SLC4A4: variants seen among roughly 807,000 people sequenced by gnomAD.
The protein encoded by SLC4A4 is solute carrier family 4 member 4.
In SLC4A4, 27 loss-of-function variants were observed where a neutral mutation model predicts 111.5. That is an observed-to-expected ratio of 0.24 (90% confidence interval 0.18 to 0.33). The LOEUF (loss-of-function observed/expected upper bound fraction) is 0.33. Ranked by LOEUF, SLC4A4 falls within the 10% of genes least tolerant of loss-of-function variation. The pLI, the probability that SLC4A4 is intolerant of heterozygous loss-of-function variation, is 1.00. For synonymous variants in SLC4A4, 443 were observed against 463.4 expected (o/e 0.96, Z 0.57); for missense variants, 909 against 1,315.5 (o/e 0.69, Z 4.78).
intron 1 of SLC4A4, among the ~76,000 whole-genome samples, chr4:71,067,740 T>C (rs1741558569): frequency 6.6e-6 from 1 of 152,084 alleles, no homozygotes; most frequent in South Asian, 2.1e-4. Context: ...ATATAAAGTC[T>C]GTGCCTCTTA....
intron 1 of SLC4A4, among the ~76,000 whole-genome samples, chr4:71,221,220 T>C (rs7678925): frequency 0.017 from 2,580 of 152,318 alleles, 59 homozygotes; most frequent in African/African-American, 0.054. Context: ...TATATTCCTC[T>C]GGGTATATAC....
rs200059466 is a variant in SLC4A4, at chr4:71,254,651, TAA to T, written c.74-556_74-555del. Among the ~76,000 whole-genome samples the T allele has an allele frequency of 6.9e-4, 97 of 141,506 alleles. 1 individual carries two copies. The highest frequency in any genetic ancestry group is 1.5e-3 in the African/African-American group (59 of 38,556). 92.8% of individuals were successfully genotyped at this position (141,506 alleles called of 152,430 possible). On this transcript the variant is annotated intron_variant, in intron 2 of 25. Coordinates refer to ENST00000264485, the MANE Select transcript of SLC4A4 (RefSeq NM_001098484.3). ...CTAAGTCTCTATTTTGCTGATTAGG[TAA>T]AAAAAAAAAAAAGTTTTAATGTAAA... is the stretch of plus-strand genomic sequence containing the variant.
intron 2 of SLC4A4, among the ~76,000 whole-genome samples, chr4:71,095,742 G>GA (rs1742526323): frequency 6.6e-6 from 1 of 152,164 alleles, no homozygotes; most frequent in South Asian, 2.1e-4. Flanking sequence ...TATGGAAAAT[G>GA]AAAATGAAAC....
chr4:71,552,120 A>T (rs1030242021), intron 20 of SLC4A4, among the ~76,000 whole-genome samples: 1 of 151,860 alleles, frequency 6.6e-6, no homozygotes, highest in Non-Finnish European at 1.5e-5. Flanking sequence ...TTATGACATT[A>T]ATACCTCATT....
intron 3 of SLC4A4, among the ~76,000 whole-genome samples, chr4:71,285,718 A>G (rs1000559420): frequency 2.0e-5 from 3 of 152,216 alleles, no homozygotes; most frequent in Admixed American, 2.0e-4. Flanking sequence ...GATGCATTTA[A>G]AGGAGAAATT....
chr4:71,173,208 G>T (rs1001421759), intron 2 of SLC4A4, among the ~76,000 whole-genome samples: 4 of 152,072 alleles, frequency 2.6e-5, no homozygotes, highest in African/African-American at 9.7e-5. Flanking sequence ...TCAAAGTCTA[G>T]TATTTCCAAA....
At chr4:71,409,940 C>T (rs1056950587) in intron 7 of SLC4A4, among the ~76,000 whole-genome samples, 6 of 152,204 alleles carry the variant, frequency 3.9e-5, no homozygotes, top group African/African-American at 1.4e-4. Flanking sequence ...CAGGCTGTGG[C>T]TTCAGAGGGT....
chr4:71,177,284 A>C (rs1350913891), intron 2 of SLC4A4, among the ~76,000 whole-genome samples: 1 of 152,200 alleles, frequency 6.6e-6, no homozygotes, highest in African/African-American at 2.4e-5. Context: ...CGAGCAAAAT[A>C]ACCAGCTAAC....
intron 1 of SLC4A4, among the ~76,000 whole-genome samples, chr4:71,195,220 C>T (rs1745933224): frequency 1.5e-5 from 2 of 137,522 alleles, no homozygotes; most frequent in Non-Finnish European, 1.6e-5. Flanking sequence ...TCCTTTTTTC[C>T]TGTATTTGAG....
At chr4:71,295,033 A>G (rs1031945298) in intron 3 of SLC4A4, among the ~76,000 whole-genome samples, 2 of 152,200 alleles carry the variant, frequency 1.3e-5, no homozygotes, top group African/African-American at 2.4e-5. Flanking sequence ...GGCATAAGGT[A>G]TACTTTTTTA....
chr4:71,529,551 G>A (rs1204216562), intron 16 of SLC4A4, among the ~76,000 whole-genome samples: 1 of 152,030 alleles, frequency 6.6e-6, no homozygotes, highest in Non-Finnish European at 1.5e-5. Flanking sequence ...TTTATGGAAA[G>A]CTGAGAATGC....
chr4:71,236,203 A>G, intron 1 of SLC4A4: 1 of 1,075,012 alleles, frequency 9.3e-7, no homozygotes, highest in Admixed American at 5.0e-5. Context: ...CATCACGAGC[A>G]CTCCAGACAC....
At chr4:71,308,165 C>A (rs545164856) in intron 3 of SLC4A4, among the ~76,000 whole-genome samples, 1 of 152,240 alleles carries the variant, frequency 6.6e-6, no homozygotes, top group African/African-American at 2.4e-5. Context: ...GAAGTCTATA[C>A]TTGTAGGCTT....
chr4:71,554,308 A>G (rs565959376), intron 20 of SLC4A4, among the ~76,000 whole-genome samples: 2 of 151,776 alleles, frequency 1.3e-5, no homozygotes, highest in African/African-American at 4.8e-5. Context: ...CTTCTTTTCA[A>G]ATTCTAAGGT....
chr4:71,399,080 A>G (rs1720111525), intron 7 of SLC4A4, among the ~76,000 whole-genome samples: 1 of 152,194 alleles, frequency 6.6e-6, no homozygotes, highest in Non-Finnish European at 1.5e-5. Flanking sequence ...TAGGTATTAT[A>G]AGTAATCTAG....
At chr4:71,304,082 A>G (rs1353987403) in intron 3 of SLC4A4, among the ~76,000 whole-genome samples, 1 of 152,224 alleles carries the variant, frequency 6.6e-6, no homozygotes, top group Non-Finnish European at 1.5e-5. Flanking sequence ...GTGAAATTAC[A>G]TCTTCTGAAT....
chr4:71,475,412 T>A (rs1728274393), intron 14 of SLC4A4, among the ~76,000 whole-genome samples: 1 of 151,934 alleles, frequency 6.6e-6, no homozygotes, highest in South Asian at 2.1e-4. Flanking sequence ...GAAGGATCTT[T>A]GTTTTTTTTG....
In SLC4A4 at chr4:71,083,452, A is replaced by T. The variant is rs146188439; in HGVS notation, c.-64-9278A>T. ...TTCCTACTCTTCCAACTCTTGCCTT[A>T]TTACCTCTGAAAAATTTCATTACTC... is the stretch of plus-strand genomic sequence containing the variant. On this transcript the variant is annotated intron_variant, in intron 1 of 26. Transcript: ENST00000649996. 5.3e-3 allele frequency among the ~76,000 whole-genome samples: 798 copies of T among 151,950 alleles called. 7 individuals are homozygous for T. The highest frequency in any genetic ancestry group is 0.017 in the Middle Eastern group (5 of 294).
intron 2 of SLC4A4, among the ~76,000 whole-genome samples, chr4:71,132,346 G>A (rs1375018668): frequency 1.3e-5 from 2 of 152,074 alleles, no homozygotes; most frequent in Non-Finnish European, 2.9e-5. Context: ...GCATGTCTCA[G>A]CTCAAAGAAA....
Sources: gnomAD v4.1 joint callset for allele counts (sites outside exome capture counted in the v4.1 genomes callset) on GRCh38, gnomAD v4.1.1 for gene constraint, MANE v1.5 for transcripts, NCBI Gene and HGNC (gene_info 2026-07-23, HGNC 2026-07-21) for gene names.